The following RELB variants were observed in gnomAD, a reference collection of about 807,000 sequenced individuals.
RELB encodes transcription factor RelB.
Under a neutral mutation model 55.4 loss-of-function variants are expected in RELB, and 14 were observed. That is an observed-to-expected ratio of 0.25 (90% CI 0.17 to 0.40). The LOEUF is 0.40. Among genes scored for constraint, RELB ranks in the 10% least tolerant of loss-of-function variants. The pLI, the probability that RELB is intolerant of heterozygous loss-of-function variation, is 1.00. For missense variants in RELB, 669 were observed against 830.7 expected (o/e 0.81, Z 2.39); for synonymous variants, 409 against 371.3 (o/e 1.10, Z -1.17).
chr19:45,012,035 C>A lies in RELB; in HGVS notation c.263C>A (p.Ala88Glu), dbSNP rs753171076. The change falls in exon 4 of 12, where the codon GCG becomes GAG. Residue 88 changes from alanine to glutamate, a missense_variant. Ala to Glu is a moderately radical substitution (Grantham distance 107). Coordinates refer to ENST00000221452, the MANE Select transcript of RELB (RefSeq NM_006509.4). ...GLPRLVSRGA[A>E]SLSTVTLGPV... ...CCACGCCTGGTGTCTCGCGGGGCTG[C>A]GTCCCTGAGCACGGTCACCCTGGGC... The A allele has an allele frequency of 6.4e-7, 1 of 1,567,982 alleles. No homozygotes were observed. The highest frequency in any genetic ancestry group is 2.4e-5 in the East Asian group (1 of 41,302).
chr19:45,013,146 A>G (rs1260401825), intron 4 of RELB, among the ~76,000 whole-genome samples: 1 of 151,838 alleles, frequency 6.6e-6, no homozygotes, highest in African/African-American at 2.4e-5. Flanking sequence ...GGTACAGGTA[A>G]GTTTTATTTT....
intron 7 of RELB, among the ~76,000 whole-genome samples, chr19:45,026,941 C>T (rs1333153530): frequency 1.3e-5 from 2 of 151,984 alleles, no homozygotes; most frequent in African/African-American, 4.8e-5. Flanking sequence ...TGATAGAATC[C>T]CAACTTAGCC....
rs1971718741 is a variant in RELB at position 45,037,917 on chromosome 19, G to C, written c.*127G>C. On this transcript the variant is annotated 3_prime_UTR_variant, in exon 12 of 12. Transcript: ENST00000221452. ...CATGCTTCTGAAGTGGACATATTCAGCCTTGGCGAGAAGCTCCGTTGCACG... is the reference window on the plus strand; with the variant it reads ...CATGCTTCTGAAGTGGACATATTCACCCTTGGCGAGAAGCTCCGTTGCACG... 1.0e-6 allele frequency: 1 copy of C among 970,362 alleles called. No homozygotes were observed. The highest frequency in any genetic ancestry group is 3.5e-4 in the Middle Eastern group (1 of 2,862). 60.1% of individuals were successfully genotyped at this position (970,362 alleles called of 1,614,324 possible). A position where few individuals can be genotyped will look rare whatever the true frequency, so the allele number is the denominator to read the frequency against.
rs368731996 is a variant in RELB, at chr19:45,011,872, CTT to C, written c.164-50_164-49del. The C allele has an allele frequency of 6.0e-3, 4,688 of 782,832 alleles. 3 individuals carry two copies. The highest frequency in any genetic ancestry group is 0.011 in the South Asian group (403 of 36,862). The allele number at this position is 782,832 out of a possible 1,614,324, so 48.5% of individuals were successfully genotyped here. On this transcript the variant is annotated intron_variant, in intron 3 of 11. Transcript: ENST00000221452. Reference sequence around the variant, plus strand: ...GAAAACGTCTCGGGGGTAATCAAGCCTTTTTTTTTTTTTTTAATTTTTTAAAG... The same window carrying C: ...GAAAACGTCTCGGGGGTAATCAAGCCTTTTTTTTTTTTTAATTTTTTAAAG...
In RELB at chr19:45,028,983, G is replaced by A. The variant is rs772711960; in HGVS notation, c.982G>A (p.Val328Met). 4 of 1,579,166 alleles carry A rather than the reference G, an allele frequency of 2.5e-6. No individual in the cohort carries two copies. The highest frequency in any genetic ancestry group is 3.4e-6 in the Non-Finnish European group (4 of 1,163,122). ...GEELYLLCDK[V>M]QKEDISVVFS... ...GGAGCTCTACTTGCTCTGCGACAAGGTGCAGAAAGGTGAGGGGCCTGGGGC... is the reference window on the plus strand; with the variant it reads ...GGAGCTCTACTTGCTCTGCGACAAGATGCAGAAAGGTGAGGGGCCTGGGGC... Residue 328 changes from valine to methionine, a missense_variant, in exon 8 of 12, where the codon GTG becomes ATG. Val to Met is a conservative substitution (Grantham distance 21, BLOSUM62 1). Around this residue, in one of 3 missense-constraint regions of RELB, gnomAD observed 341 missense variants for 436.8 expected, o/e 0.78. Coordinates refer to ENST00000221452, the MANE Select transcript of RELB (RefSeq NM_006509.4).
At chr19:45,025,554 C>A in intron 6 of RELB, 52 bp from the exon 7 acceptor site, 1 of 1,610,604 alleles carries the variant, frequency 6.2e-7, no homozygotes. Context: ...CCCTGTACCC[C>A]AGAGAGGGTC....
At chr19:45,003,551 A>G (rs1568395437) in intron 2 of RELB, 1 of 516,782 alleles carries the variant, frequency 1.9e-6, no homozygotes, top group Admixed American at 2.0e-5. Flanking sequence ...TTCTTTAGAG[A>G]TTCACTGTGG....
intron 3 of RELB, 139 bp from the exon 4 acceptor site, chr19:45,011,797 T>TGTGTGTGTGTGTGTGTGTGAGA (rs1322532535): frequency 4.3e-5 from 3 of 69,908 alleles, no homozygotes; most frequent in Non-Finnish European, 7.7e-5. Flanking sequence ...TGTGTGTGTG[T>TGTGTGTGTGTGTGTGTGTGAGA]GAGAGAGAGA....
At chr19:45,029,068 G>T in intron 8 of RELB, 76 bp downstream of exon 8, 1 of 978,024 alleles carries the variant, frequency 1.0e-6, no homozygotes, top group Non-Finnish European at 1.6e-6. Flanking sequence ...AGCCCGGGAA[G>T]ATGAAAGGAT....
At chr19:45,031,130 A>G (rs1204009243) in intron 8 of RELB, among the ~76,000 whole-genome samples, 10 of 152,184 alleles carry the variant, frequency 6.6e-5, no homozygotes, top group African/African-American at 2.4e-4. Flanking sequence ...AATAGCAGGC[A>G]GAGTAGCATC....
intron 11 of RELB, among the ~76,000 whole-genome samples, chr19:45,035,716 C>T (rs895691140): frequency 6.6e-6 from 1 of 151,836 alleles, no homozygotes; most frequent in African/African-American, 2.4e-5. Context: ...GTCCCAGCTA[C>T]TTGGGAGGCT....
intron 8 of RELB, among the ~76,000 whole-genome samples, chr19:45,031,960 G>A (rs1399689627): frequency 6.6e-6 from 1 of 151,788 alleles, no homozygotes; most frequent in East Asian, 1.9e-4. Flanking sequence ...AAACAAGGCC[G>A]GGTTTGGTGG....
chr19:45,022,113 T>C lies in RELB; in HGVS notation c.565T>C (p.Trp189Arg), dbSNP rs755284079. ...EVTACLVWKD[W>R]PHRVHPHSLV... ...GACTGCCTGCCTGGTGTGGAAGGAC[T>C]GGCCTCACCGAGTCCACCCCCACAG... Residue 189 changes from tryptophan (W) to arginine (R), a missense_variant, in exon 5 of 12, where the codon TGG becomes CGG. This residue lies in a region of RELB where 323 missense variants were observed against 368.5 expected (regional missense o/e 0.88). Transcript: ENST00000221452. 5.6e-6 allele frequency: 9 copies of C among 1,613,492 alleles called. No homozygotes were observed. The East Asian group carries it at 8.9e-5, about 16-fold the overall frequency.
At chr19:45,037,282 A>AG in intron 11 of RELB, 123 bp from the exon 12 acceptor site, 1 of 1,038,690 alleles carries the variant, frequency 9.6e-7, no homozygotes, top group Non-Finnish European at 1.4e-6. Flanking sequence ...ACTCCATCTC[A>AG]GAAAAAAAAA....
rs953099325 is a variant in RELB, at chr19:45,038,094, G to A, written c.*304G>A. 1.3e-5 allele frequency: 4 copies of A among 311,932 alleles called. No individual in the cohort carries two copies. The highest frequency in any genetic ancestry group is 6.4e-5 in the African/African-American group (3 of 46,806). The allele number at this position is 311,932 out of a possible 1,614,324, so 19.3% of individuals were successfully genotyped here. A position where few individuals can be genotyped will look rare whatever the true frequency, so the allele number is the denominator to read the frequency against. Reference sequence around the variant, plus strand: ...GGATTCGGAAAAGATTGTACATATGGGAGGAGGGGGCAGATTCCTGGCCCT... The same window carrying A: ...GGATTCGGAAAAGATTGTACATATGAGAGGAGGGGGCAGATTCCTGGCCCT... On this transcript the variant is annotated 3_prime_UTR_variant, in exon 12 of 12. Coordinates refer to ENST00000221452, the MANE Select transcript of RELB (RefSeq NM_006509.4).
intron 10 of RELB, 35 bp from the exon 11 acceptor site, chr19:45,034,416 G>C: frequency 6.2e-7 from 1 of 1,610,240 alleles, no homozygotes; most frequent in Non-Finnish European, 8.5e-7. Context: ...AAGGGCTGTC[G>C]GGGAACAGGG....
chr19:45,022,204 G>T lies in RELB; in HGVS notation c.656G>T (p.Arg219Leu). 6.3e-7 allele frequency: 1 copy of T among 1,599,302 alleles called. No individual in the cohort carries two copies. The highest frequency in any genetic ancestry group is 8.5e-7 in the Non-Finnish European group (1 of 1,175,408). The change falls in exon 5 of 12, where the codon CGG (arginine) becomes CTG (leucine). Residue 219 changes from arginine (R) to leucine (L), a missense_variant. Arg to Leu is a moderately radical substitution (Grantham distance 102). Coordinates refer to ENST00000221452, the MANE Select transcript of RELB (RefSeq NM_006509.4). ...CGGCTCCGGCCTCACGTCAGCCCCCGGCACAGGTACCCACCCCCTGACCTC... is the reference window on the plus strand; with the variant it reads ...CGGCTCCGGCCTCACGTCAGCCCCCTGCACAGGTACCCACCCCCTGACCTC... ...RVRLRPHVSP[R>L]HSFNNLGIQC...
At chr19:45,029,246 C>G (rs1003389880) in intron 8 of RELB, among the ~76,000 whole-genome samples, 21 of 152,136 alleles carry the variant, frequency 1.4e-4, no homozygotes, top group African/African-American at 4.8e-4. Flanking sequence ...CTAGGCGGTG[C>G]CATCACAGAG....
chr19:45,025,090 C>T (rs772229612), intron 5 of RELB, among the ~76,000 whole-genome samples: 2 of 151,716 alleles, frequency 1.3e-5, no homozygotes, highest in African/African-American at 4.8e-5. Context: ...AACTACTGAC[C>T]TCAAGTGATC....
Sources: gnomAD v4.1 joint callset for allele counts (sites outside exome capture counted in the v4.1 genomes callset) on GRCh38, gnomAD v4.1.1 for gene constraint, gnomAD v4.1.1 regional missense constraint, MANE v1.5 for transcripts, NCBI Gene and HGNC (gene_info 2026-07-23, HGNC 2026-07-21) for gene names.